Variants in PLCXD3 observed in about 807,000 individuals in gnomAD.
PLCXD3 encodes PI-PLC X domain-containing protein 3.
In PLCXD3, 19 loss-of-function variants were observed where a neutral mutation model predicts 25.5. The observed-to-expected ratio is 0.75, with a 90% CI of 0.52 to 1.09. PLCXD3 has a LOEUF of 1.09. Among genes scored for constraint, PLCXD3 ranks in the 50% least tolerant of loss-of-function variants. The probability of loss-of-function intolerance (pLI) is 0.00; values close to 1 mark genes in which losing one functional copy is unlikely to be tolerated. For missense variants in PLCXD3, 411 were observed against 388.1 expected, an observed-to-expected ratio of 1.06 and a Z score of -0.50; for synonymous variants, 174 against 137.6, an observed-to-expected ratio of 1.26 and a Z score of -1.85.
chr5:41,456,164 G>A (rs1282440037), intron 1 of PLCXD3, among the ~76,000 whole-genome samples: 2 of 151,794 alleles, frequency 1.3e-5, no homozygotes, highest in African/African-American at 2.4e-5. Flanking sequence ...CATAATGAAA[G>A]TGACCTTTAA....
At chr5:41,427,865 C>T (rs574957554) in intron 1 of PLCXD3, among the ~76,000 whole-genome samples, 2 of 152,258 alleles carry the variant, frequency 1.3e-5, no homozygotes, top group East Asian at 3.9e-4. Context: ...ATTTGAGCCC[C>T]AACACCATCA....
intron 2 of PLCXD3, among the ~76,000 whole-genome samples, chr5:41,339,934 G>T (rs546619224): frequency 3.0e-4 from 45 of 152,268 alleles, no homozygotes; most frequent in Non-Finnish European, 4.1e-4. Flanking sequence ...ATTCTAGATG[G>T]AACAAAAGGA....
intron 1 of PLCXD3, among the ~76,000 whole-genome samples, chr5:41,499,680 C>T (rs1306098663): frequency 4.0e-5 from 6 of 151,622 alleles, no homozygotes; most frequent in Non-Finnish European, 8.9e-5. Context: ...TCCAAAAACC[C>T]TCATAATTTT....
At chr5:41,316,837 A>G (rs530097611) in intron 2 of PLCXD3, among the ~76,000 whole-genome samples, 8 of 152,300 alleles carry the variant, frequency 5.3e-5, no homozygotes, top group Admixed American at 3.3e-4. Flanking sequence ...TTCAGCTGCA[A>G]TGTAATTGGA....
intron 1 of PLCXD3, among the ~76,000 whole-genome samples, chr5:41,486,986 T>G (rs1467938366): frequency 1.3e-5 from 2 of 152,114 alleles, no homozygotes; most frequent in African/African-American, 4.8e-5. Flanking sequence ...ATTACCAACT[T>G]ACAGATAATT....
chr5:41,427,365 A>G (rs1225135654), intron 1 of PLCXD3, among the ~76,000 whole-genome samples: 1 of 150,190 alleles, frequency 6.7e-6, no homozygotes, highest in East Asian at 1.9e-4. Flanking sequence ...CTAATCTGCT[A>G]TTTACCCAGT....
At chr5:41,365,866 TAG>T (rs1744920627) in intron 2 of PLCXD3, among the ~76,000 whole-genome samples, 1 of 152,076 alleles carries the variant, frequency 6.6e-6, no homozygotes, top group African/African-American at 2.4e-5. Context: ...TTTTGTAAAA[TAG>T]AGTTTTGAAG....
chr5:41,374,812 G>A (rs549468050), intron 2 of PLCXD3, among the ~76,000 whole-genome samples: 32 of 152,236 alleles, frequency 2.1e-4, no homozygotes, highest in Middle Eastern at 3.4e-3. Flanking sequence ...CTGCTGCTGT[G>A]CTGACCTGTC....
intron 1 of PLCXD3, among the ~76,000 whole-genome samples, chr5:41,436,486 T>A (rs1283769468): frequency 6.6e-6 from 1 of 152,184 alleles, no homozygotes; most frequent in East Asian, 1.9e-4. Flanking sequence ...TGCTACTTAA[T>A]ATGTTCAGTA....
At chr5:41,406,855 G>A (rs768438323) in intron 1 of PLCXD3, among the ~76,000 whole-genome samples, 1 of 152,118 alleles carries the variant, frequency 6.6e-6, no homozygotes, top group Non-Finnish European at 1.5e-5. Context: ...CAATACATTG[G>A]CATTTGTTAA....
At chr5:41,374,032 G>A (rs887451944) in intron 2 of PLCXD3, among the ~76,000 whole-genome samples, 1 of 152,116 alleles carries the variant, frequency 6.6e-6, no homozygotes, top group African/African-American at 2.4e-5. Flanking sequence ...GGCCCTGTGG[G>A]TAGAGGAGCT....
At chr5:41,350,947 T>C (rs1355172888) in intron 2 of PLCXD3, among the ~76,000 whole-genome samples, 1 of 151,872 alleles carries the variant, frequency 6.6e-6, no homozygotes, top group Non-Finnish European at 1.5e-5. Flanking sequence ...TAAAAAGCTC[T>C]AAAAAAAAGA....
chr5:41,416,019 A>C (rs554186366), intron 1 of PLCXD3, among the ~76,000 whole-genome samples: 4 of 152,324 alleles, frequency 2.6e-5, no homozygotes, highest in African/African-American at 9.6e-5. Context: ...TATAATGAAG[A>C]TGCCTTGAGA....
rs1409826211 is a variant in PLCXD3 at position 41,382,147 on chromosome 5, T to C, written c.491A>G (p.Asp164Gly). 6 of 1,613,788 alleles carry C rather than the reference T, an allele frequency of 3.7e-6. No homozygotes were observed. The highest frequency in any genetic ancestry group is 5.1e-6 in the Non-Finnish European group (6 of 1,179,788). ...HHEKLVQMLK[D>G]IYGNKMCPAI... is the part of the protein sequence containing the mutation. ...TGGGCACATTTTATTTCCATAGATG[T>C]CTTTCAGCATTTGGACCAGTTTTTC... The change falls in exon 2 of 3, where the codon GAC becomes GGC. Residue 164 changes from aspartate (D) to glycine (G), a missense_variant. Coordinates refer to ENST00000377801, the MANE Select transcript of PLCXD3 (RefSeq NM_001005473.3).
At chr5:41,333,516 T>C (rs1743893188) in intron 2 of PLCXD3, among the ~76,000 whole-genome samples, 1 of 152,114 alleles carries the variant, frequency 6.6e-6, no homozygotes, top group South Asian at 2.1e-4. Context: ...GGTAGACAAA[T>C]GTGTGTCATA....
At chr5:41,377,026 A>C (rs1417760110) in intron 2 of PLCXD3, among the ~76,000 whole-genome samples, 3 of 152,122 alleles carry the variant, frequency 2.0e-5, no homozygotes, top group Non-Finnish European at 2.9e-5. Context: ...AAGACTCCAT[A>C]TCTGAGATCA....
rs147665624 is a variant in PLCXD3 at position 41,328,358 on chromosome 5, T to G, written c.813-14588A>C. Among the ~76,000 whole-genome samples, 282 of 152,268 alleles carry G rather than the reference T, an allele frequency of 1.9e-3. 1 individual carries two copies. The Middle Eastern group carries it at 0.027, about 15-fold the overall frequency. On this transcript the variant is annotated intron_variant, in intron 2 of 2. Transcript: ENST00000377801. The stretch of plus-strand genomic sequence containing the variant: ...ACACCTGGGCATAATACAGTTGTGA[T>G]ATAAAAATGAGTCTGCAGGATTTCT...
intron 1 of PLCXD3, among the ~76,000 whole-genome samples, chr5:41,421,730 C>CA (rs1286305465): frequency 6.6e-6 from 1 of 151,694 alleles, no homozygotes; most frequent in Non-Finnish European, 1.5e-5. Flanking sequence ...AACAAACAAA[C>CA]AAAAAAGCTC....
chr5:41,323,260 A>AAAGTAT (rs756585047), intron 2 of PLCXD3, among the ~76,000 whole-genome samples: 11 of 152,160 alleles, frequency 7.2e-5, no homozygotes, highest in Non-Finnish European at 1.2e-4. Context: ...GGGTGGTTAA[A>AAAGTAT]AAGTATAAAA....
Sources: allele counts gnomAD v4.1 joint callset (sites outside exome capture counted in the v4.1 genomes callset), GRCh38; gene constraint gnomAD v4.1.1; transcripts MANE v1.5; gene names NCBI Gene and HGNC (gene_info 2026-07-23, HGNC 2026-07-21).